Variants in GJB7 observed in about 807,000 individuals in gnomAD.
GJB7 encodes the protein gap junction protein beta 7.
For missense variants in GJB7, 253 were observed against 256.8 expected, an observed-to-expected ratio of 0.99 and a Z score of 0.10; for synonymous variants, 87 against 95.2, an observed-to-expected ratio of 0.91 and a Z score of 0.50.
At chr6:87,312,165 A>G (rs1033388913) in intron 2 of GJB7, among the ~76,000 whole-genome samples, 1 of 152,016 alleles carries the variant, frequency 6.6e-6, no homozygotes, top group African/African-American at 2.4e-5. Flanking sequence ...TAGAATTTGT[A>G]TGCTTTTCTA....
chr6:87,309,554 T>C (rs1418282770), intron 2 of GJB7, among the ~76,000 whole-genome samples: 1 of 152,130 alleles, frequency 6.6e-6, no homozygotes, highest in Non-Finnish European at 1.5e-5. Context: ...AGCAGGTATA[T>C]GCAACCTACC....
rs540439332 is a variant in GJB7, at chr6:87,322,946, G to C, written c.-108C>G. 4 of 152,322 alleles carry C rather than the reference G, an allele frequency of 2.6e-5. No individual in the cohort carries two copies. Among genetic ancestry groups the C allele is most frequent in the African/African-American group, 9.6e-5 (4 of 41,530 alleles). 9.4% of individuals were successfully genotyped at this position (152,322 alleles called of 1,614,324 possible). ...CTCTCTCGTTTCCTGCAGTTTCTTAGTGTCTTGGCTCACCAGACTCATAGG... is the reference window on the plus strand; with the variant it reads ...CTCTCTCGTTTCCTGCAGTTTCTTACTGTCTTGGCTCACCAGACTCATAGG... On this transcript the variant is annotated 5_prime_UTR_variant, in exon 2 of 3. Transcript: ENST00000525899.
intron 2 of GJB7, among the ~76,000 whole-genome samples, chr6:87,321,701 T>C (rs974621037): frequency 2.0e-5 from 3 of 152,154 alleles, no homozygotes; most frequent in African/African-American, 4.8e-5. Context: ...AAGAACCACC[T>C]GAGGCTGGGT....
intron 2 of GJB7, among the ~76,000 whole-genome samples, chr6:87,317,811 G>A (rs1424969248): frequency 6.6e-6 from 1 of 152,110 alleles, no homozygotes; most frequent in Non-Finnish European, 1.5e-5. Context: ...AGGAAAGCAT[G>A]TGGCACACTG....
Position 87,284,894 on chromosome 6 carries a change from T to C in GJB7, c.19A>G (p.Arg7Gly). The change falls in exon 3 of 3, where the codon AGA (arginine) becomes GGA (glycine). Residue 7 changes from arginine (R) to glycine (G), a missense_variant. By Grantham distance (125) the Arg-to-Gly change is moderately radical. Transcript: ENST00000525899. Reference sequence around the variant, plus strand: ...TTATTTACTCCACTCAGGAGATCTCTGAGGAACATCCAACTCATGACTTAG... The same window carrying C: ...TTATTTACTCCACTCAGGAGATCTCCGAGGAACATCCAACTCATGACTTAG... MSWMFL[R>G]DLLSGVNKYS... The C allele has an allele frequency of 6.2e-7, 1 of 1,611,838 alleles. No homozygotes were observed. The highest frequency in any genetic ancestry group is 8.5e-7 in the Non-Finnish European group (1 of 1,178,112).
At chr6:87,327,445 G>T (rs1776856234) in intron 1 of GJB7, among the ~76,000 whole-genome samples, 1 of 152,106 alleles carries the variant, frequency 6.6e-6, no homozygotes, top group South Asian at 2.1e-4. Context: ...TTTAGGGCAG[G>T]CCTGCTGGTC....
intron 2 of GJB7, among the ~76,000 whole-genome samples, chr6:87,304,615 A>G (rs890003092): frequency 7.9e-5 from 12 of 152,354 alleles, no homozygotes; most frequent in Non-Finnish European, 1.5e-4. Flanking sequence ...AGTTGGTACC[A>G]TTCCTTCTGA....
intron 1 of GJB7, among the ~76,000 whole-genome samples, chr6:87,323,572 A>C (rs201760531): frequency 1.3e-5 from 2 of 151,310 alleles, no homozygotes; most frequent in East Asian, 1.9e-4. Context: ...ATGATTTCCA[A>C]TTTCATCCAT....
intron 2 of GJB7, among the ~76,000 whole-genome samples, chr6:87,294,813 G>T (rs1274698084): frequency 6.6e-6 from 1 of 152,154 alleles, no homozygotes; most frequent in African/African-American, 2.4e-5. Flanking sequence ...ATCAGAATTT[G>T]GTGTCATTTC....
intron 2 of GJB7, among the ~76,000 whole-genome samples, chr6:87,311,540 G>T (rs1776512640): frequency 6.6e-6 from 1 of 152,196 alleles, no homozygotes; most frequent in Non-Finnish European, 1.5e-5. Flanking sequence ...TGGGATTCTG[G>T]ATTCATGAGG....
chr6:87,297,747 A>T (rs1776266930), intron 2 of GJB7, among the ~76,000 whole-genome samples: 1 of 152,224 alleles, frequency 6.6e-6, no homozygotes, highest in Non-Finnish European at 1.5e-5. Flanking sequence ...TTACAGTGTC[A>T]TGAGGCAGGA....
At chr6:87,303,593 A>C (rs1776371158) in intron 2 of GJB7, among the ~76,000 whole-genome samples, 1 of 152,152 alleles carries the variant, frequency 6.6e-6, no homozygotes, top group South Asian at 2.1e-4. Flanking sequence ...CTAACACCAC[A>C]CTGTCAATAT....
chr6:87,315,541 C>T (rs141802492), intron 2 of GJB7, among the ~76,000 whole-genome samples: 4 of 152,158 alleles, frequency 2.6e-5, no homozygotes, highest in Non-Finnish European at 2.9e-5. Context: ...CCTGTAATCC[C>T]AGAACGTTGG....
intron 2 of GJB7, among the ~76,000 whole-genome samples, chr6:87,306,464 A>G (rs1194582910): frequency 6.6e-6 from 1 of 152,190 alleles, no homozygotes; most frequent in African/African-American, 2.4e-5. Flanking sequence ...GCAAATCAAA[A>G]CCACAATGAG....
intron 2 of GJB7, among the ~76,000 whole-genome samples, chr6:87,321,571 G>GC (rs1554214769): frequency 1.3e-5 from 2 of 152,072 alleles, no homozygotes; most frequent in Non-Finnish European, 2.9e-5. Context: ...ATTTTTCAGG[G>GC]TTTTTTTGAG....
chr6:87,313,630 A>T (rs382956), intron 2 of GJB7, among the ~76,000 whole-genome samples: 95,370 of 152,144 alleles, frequency 0.63, 30,371 homozygotes, highest in African/African-American at 0.71. Context: ...GGTCAGAAAT[A>T]TAAATCTTCA....
At chr6:87,301,056 A>C (rs1442948973) in intron 2 of GJB7, among the ~76,000 whole-genome samples, 2 of 152,232 alleles carry the variant, frequency 1.3e-5, no homozygotes, top group Non-Finnish European at 2.9e-5. Context: ...GGGCGGTTCC[A>C]ATATGGCTGA....
chr6:87,311,168 G>C (rs970197683), intron 2 of GJB7, among the ~76,000 whole-genome samples: 1 of 152,162 alleles, frequency 6.6e-6, no homozygotes, highest in East Asian at 1.9e-4. Flanking sequence ...GTATTGCTGA[G>C]AAGATATGGA....
At chr6:87,307,288 G>A (rs1054524248) in intron 2 of GJB7, among the ~76,000 whole-genome samples, 1 of 150,942 alleles carries the variant, frequency 6.6e-6, no homozygotes, top group Non-Finnish European at 1.5e-5. Flanking sequence ...GAAAACATAG[G>A]CAATACCATT....
Sources: gnomAD v4.1 joint callset for allele counts (sites outside exome capture counted in the v4.1 genomes callset) on GRCh38, gnomAD v4.1.1 for gene constraint, MANE v1.5 for transcripts, NCBI Gene and HGNC (gene_info 2026-07-23, HGNC 2026-07-21) for gene names.